Variants in C13orf46 observed in about 807,000 individuals in gnomAD.
C13orf46 encodes the protein chromosome 13 open reading frame 46, also known as uncharacterized protein C13orf46.
chr13:113,945,624 G>GAAAGAAAGAA, the C13orf46 span, among the ~76,000 whole-genome samples: 2 of 126,244 alleles, frequency 1.6e-5, no homozygotes, highest in African/African-American at 6.0e-5. Flanking sequence ...AAGAAAGAAA[G>GAAAGAAAGAA]AAAGAAAGAA....
At chr13:113,957,308 AC>A (rs1182851601) in intron 6 of C13orf46, among the ~76,000 whole-genome samples, 7 of 82,468 alleles carry the variant, frequency 8.5e-5, no homozygotes, top group Admixed American at 1.6e-4. Flanking sequence ...TGCACTCTGC[AC>A]CCCCTTTCAT....
At chr13:113,938,880 C>A in the C13orf46 span, among the ~76,000 whole-genome samples, 1 of 152,146 alleles carries the variant, frequency 6.6e-6, no homozygotes, top group Non-Finnish European at 1.5e-5. Flanking sequence ...GAAAACTCAG[C>A]TTGGGCCTCA....
chr13:113,969,531 C>T (rs1187642503), intron 2 of C13orf46, among the ~76,000 whole-genome samples: 1 of 152,262 alleles, frequency 6.6e-6, no homozygotes, highest in Non-Finnish European at 1.5e-5. Flanking sequence ...CTTCCTTGGT[C>T]TCCACTCAAC....
intron 5 of C13orf46, among the ~76,000 whole-genome samples, chr13:113,965,922 A>AATG (rs1217200616): frequency 0.7 from 102,053 of 145,850 alleles, 36,258 homozygotes; most frequent in African/African-American, 0.85. Flanking sequence ...TGATGGTGAC[A>AATG]ATGATGATGA....
chr13:113,936,532 C>T, the C13orf46 span, among the ~76,000 whole-genome samples: 767 of 152,294 alleles, frequency 5.0e-3, 11 homozygotes, highest in African/African-American at 0.017. Context: ...AGGGGGAAAC[C>T]GTTTCCTGGC....
chr13:113,954,911 CGAGGAGGAGCATCTGGCGGAGACGAG>C lies in C13orf46; in HGVS notation c.*1836_*1861del, dbSNP rs2052509560. The stretch of plus-strand genomic sequence containing the variant: ...AGAGACGAGGAGCATCTGGCGGAGA[CGAGGAGGAGCATCTGGCGGAGACGAG>C]GAGGAGGATCTGGCGGAGACGAGGA... On this transcript the variant is annotated 3_prime_UTR_variant, in exon 7 of 7. Transcript: ENST00000636427. The C allele has an allele frequency of 6.6e-6, 1 of 151,560 alleles. No individual in the cohort carries two copies. Among genetic ancestry groups the C allele is most frequent in the Admixed American group, 7.4e-5 (1 of 13,482 alleles). The allele number at this position is 151,560 out of a possible 1,614,324, so 9.4% of individuals were successfully genotyped here.
At chr13:113,969,611 G>T (rs1356674747) in intron 2 of C13orf46, among the ~76,000 whole-genome samples, 2 of 152,228 alleles carry the variant, frequency 1.3e-5, no homozygotes, top group Non-Finnish European at 2.9e-5. Flanking sequence ...GACTTTGTTA[G>T]ATCTGAGACA....
the C13orf46 span, among the ~76,000 whole-genome samples, chr13:113,947,414 T>A: frequency 1.8e-3 from 281 of 152,270 alleles, 2 homozygotes; most frequent in African/African-American, 6.6e-3. Flanking sequence ...ACTGCTGCCG[T>A]CTGCTGTCGG....
chr13:113,927,282 G>A, the C13orf46 span: 2 of 358,846 alleles, frequency 5.6e-6, no homozygotes, highest in Non-Finnish European at 9.9e-6. Context: ...AGGGTATGGG[G>A]ACCTTCATAT....
chr13:113,966,644 T>C (rs1409691888), intron 5 of C13orf46, among the ~76,000 whole-genome samples: 1 of 151,860 alleles, frequency 6.6e-6, no homozygotes, highest in Non-Finnish European at 1.5e-5. Context: ...ATGATGATGC[T>C]GCTGATGGGA....
At chr13:113,942,703 G>A in the C13orf46 span, among the ~76,000 whole-genome samples, 2 of 152,232 alleles carry the variant, frequency 1.3e-5, no homozygotes, top group African/African-American at 4.8e-5. Context: ...AGTGAGGGAG[G>A]ATGAGGGAGA....
the C13orf46 span, among the ~76,000 whole-genome samples, chr13:113,930,431 C>T: frequency 6.7e-6 from 1 of 150,194 alleles, no homozygotes; most frequent in African/African-American, 2.5e-5. Context: ...GGCGGGGGCG[C>T]GGGAGCACTG....
the C13orf46 span, among the ~76,000 whole-genome samples, chr13:113,947,265 C>T: frequency 5.3e-5 from 8 of 152,136 alleles, no homozygotes; most frequent in East Asian, 9.7e-4. Context: ...AGGTTACTTA[C>T]GGGGAAGGGG....
Position 113,957,281 on chromosome 13 carries a change from C to T in C13orf46, c.573-442G>A, listed in dbSNP as rs1287179143. 2.3e-4 allele frequency among the ~76,000 whole-genome samples: 31 copies of T among 136,160 alleles called. No individual in the cohort carries two copies. The South Asian group carries it at 7.5e-3, about 33-fold the overall frequency. The allele number at this position is 136,160 out of a possible 152,430, so 89.3% of individuals were successfully genotyped here. ...TGCATGCACCTCCTTTCATCAAGCA[C>T]ACTGGGGGGTCTCCCCTGCACTCTG... On this transcript the variant is annotated intron_variant, in intron 6 of 6. Coordinates refer to ENST00000636427, the MANE Select transcript of C13orf46 (RefSeq NM_001365455.2).
At position 113,963,568 on chromosome 13, in the gene C13orf46, C is replaced by G. The variant is rs943693526; in HGVS notation, c.572+1359G>C. On this transcript the variant is annotated intron_variant, in intron 6 of 6. Coordinates refer to ENST00000636427, the MANE Select transcript of C13orf46 (RefSeq NM_001365455.2). ...CTCAGCCCTCGCTCCAGTCCTCAGC[C>G]TCGCCCCTGTCCTCAGCCTCGGCCC... Among the ~76,000 whole-genome samples the G allele has an allele frequency of 6.1e-5, 9 of 147,014 alleles. No individual in the cohort carries two copies. In the South Asian group the frequency reaches 1.8e-3, roughly 29 times the overall value.
At chr13:113,945,571 A>G in the C13orf46 span, among the ~76,000 whole-genome samples, 1,944 of 70,842 alleles carry the variant, frequency 0.027, 55 homozygotes, top group African/African-American at 0.066. Context: ...GAAAGAAAGA[A>G]AGAAAGAGAG....
chr13:113,932,775 C>A, the C13orf46 span, among the ~76,000 whole-genome samples: 3 of 152,032 alleles, frequency 2.0e-5, no homozygotes, highest in East Asian at 1.9e-4. Flanking sequence ...ATTTAAAAAA[C>A]CTTTCCCAAA....
At chr13:113,927,476 T>G in the C13orf46 span, 1 of 398,722 alleles carries the variant, frequency 2.5e-6, no homozygotes, top group East Asian at 3.6e-5. Context: ...GTACAAGTCC[T>G]GGGCTATCTC....
chr13:113,971,952 C>T (rs2052710600), intron 1 of C13orf46, among the ~76,000 whole-genome samples: 1 of 152,192 alleles, frequency 6.6e-6, no homozygotes, highest in Non-Finnish European at 1.5e-5. Flanking sequence ...TGGTCTCGAA[C>T]CCTGAGGGTG....
Sources: allele counts gnomAD v4.1 joint callset (sites outside exome capture counted in the v4.1 genomes callset), GRCh38; gene constraint gnomAD v4.1.1; transcripts MANE v1.5; gene names NCBI Gene and HGNC (gene_info 2026-07-23, HGNC 2026-07-21).